The following CACNA1G variants were observed in gnomAD, a reference collection of about 807,000 sequenced individuals.
The protein encoded by CACNA1G is calcium voltage-gated channel subunit alpha1 G.
A neutral mutation model predicts 219.4 loss-of-function variants in CACNA1G; 67 were observed. The ratio of observed to expected loss-of-function variants is 0.31; its 90% CI spans 0.25 to 0.37. The LOEUF (loss-of-function observed/expected upper bound fraction) is 0.37, where lower values mean the gene tolerates loss of function less well. CACNA1G is among the 10% of genes least tolerant of loss of function. The pLI, the probability that CACNA1G is intolerant of heterozygous loss-of-function variation, is 1.00. For missense variants in CACNA1G, 2,380 were observed against 3,231.4 expected (o/e 0.74, Z 6.39); for synonymous variants, 1,296 against 1,345.3 (o/e 0.96, Z 0.80).
intron 16 of CACNA1G, among the ~76,000 whole-genome samples, chr17:50,597,549 T>G (rs1257035805): frequency 1.3e-5 from 2 of 152,262 alleles, no homozygotes; most frequent in Non-Finnish European, 2.9e-5. Context: ...CACAATGTGA[T>G]GTTTTGATAT....
chr17:50,569,899 C>A lies in CACNA1G; in HGVS notation c.586+96C>A, dbSNP rs1037576218. On this transcript the variant is annotated intron_variant, in intron 4 of 37. Coordinates refer to ENST00000359106, the MANE Select transcript of CACNA1G (RefSeq NM_018896.5). Reference sequence around the variant, plus strand: ...CTCTACTACTGTGTCCTCACCTGACCCCTCACAGGCCCCGTCAGAGAAGGG... The same window carrying A: ...CTCTACTACTGTGTCCTCACCTGACACCTCACAGGCCCCGTCAGAGAAGGG... The A allele has an allele frequency of 1.5e-5, 13 of 873,556 alleles. No homozygotes were observed. In the African/African-American group the frequency reaches 1.8e-4, roughly 12 times the overall value. 54.1% of individuals were successfully genotyped at this position (873,556 alleles called of 1,614,324 possible).
intron 1 of CACNA1G, among the ~76,000 whole-genome samples, chr17:50,564,083 G>A (rs570310993): frequency 6.6e-6 from 1 of 151,792 alleles, no homozygotes; most frequent in Admixed American, 6.6e-5. Flanking sequence ...TCCTTTTTAA[G>A]GGACCAGGTT....
rs2045497245 is a variant in CACNA1G, at chr17:50,596,145, A to C, written c.2980-417A>C. Among the ~76,000 whole-genome samples the C allele has an allele frequency of 6.6e-6, 1 of 151,890 alleles. No homozygotes were observed. The highest frequency in any genetic ancestry group is 2.1e-4 in the South Asian group (1 of 4,810). ...TCGAGTCTGAGGCTCAGGGGAGGGG[A>C]GCCGTGGAGAGAAAGCAAAGGGCCT... On this transcript the variant is annotated intron_variant, in intron 14 of 37. Coordinates refer to ENST00000359106, the MANE Select transcript of CACNA1G (RefSeq NM_018896.5). The surrounding 1 kb of genome is among the most constrained non-coding windows in gnomAD (Gnocchi z 4.8).
At position 50,573,092 on chromosome 17, in the gene CACNA1G, C is replaced by G; in HGVS notation, c.1119C>G (p.Ile373Met). ...ATGCTCATTCCTTCTACAATTTCAT[C>G]TACTTCATCCTCCTCATCATCGTGA... Reference protein sequence around the residue: ...VMDAHSFYNFIYFILLIIVGS... With the variant: ...VMDAHSFYNFMYFILLIIVGS... The change falls in exon 7 of 38, where the codon ATC (isoleucine) becomes ATG (methionine). Residue 373 changes from isoleucine to methionine, a missense_variant. Transcript: ENST00000359106. 6.4e-7 allele frequency: 1 copy of G among 1,572,058 alleles called. No individual in the cohort carries two copies. Among genetic ancestry groups the G allele is most frequent in the Non-Finnish European group, 8.6e-7 (1 of 1,157,324 alleles).
At chr17:50,593,163 C>T (rs991816976) in intron 13 of CACNA1G, among the ~76,000 whole-genome samples, 4 of 152,120 alleles carry the variant, frequency 2.6e-5, no homozygotes, top group Admixed American at 6.5e-5. Context: ...GAGGGAGGGA[C>T]GCCGGTATGC....
intron 26 of CACNA1G, among the ~76,000 whole-genome samples, chr17:50,613,242 A>T (rs1175968666): frequency 1.3e-5 from 2 of 152,182 alleles, no homozygotes; most frequent in Non-Finnish European, 2.9e-5. Context: ...GGGTTGCCCG[A>T]GGAGATGCTG....
In CACNA1G at chr17:50,603,333, G is replaced by A. The variant is rs987256793; in HGVS notation, c.4169+134G>A. On this transcript the variant is annotated intron_variant, in intron 21 of 37. Transcript: ENST00000359106. The surrounding 1 kb of genome is among the most constrained non-coding windows in gnomAD (Gnocchi z 6.4). ...CATCCTGTCTGTGACCCCCACAGGCGATCCTGTCCCCGCCCCAGACAACAC... is the reference window on the plus strand; with the variant it reads ...CATCCTGTCTGTGACCCCCACAGGCAATCCTGTCCCCGCCCCAGACAACAC... The A allele has an allele frequency of 1.4e-5, 10 of 735,308 alleles. No individual in the cohort carries two copies. The East Asian group carries it at 1.9e-4, about 14-fold the overall frequency. 45.5% of individuals were successfully genotyped at this position (735,308 alleles called of 1,614,324 possible).
intron 9 of CACNA1G, among the ~76,000 whole-genome samples, chr17:50,586,205 T>C (rs2042953672): frequency 6.6e-6 from 1 of 152,198 alleles, no homozygotes; most frequent in African/African-American, 2.4e-5. Context: ...CTTCATACAC[T>C]GCTTTGTACA....
At chr17:50,610,041 G>A in intron 26 of CACNA1G, 106 bp downstream of exon 26, 1 of 1,184,556 alleles carries the variant, frequency 8.4e-7, no homozygotes, top group Non-Finnish European at 1.2e-6. Context: ...GAGGGTCCCT[G>A]GGGCCCCCAA....
chr17:50,575,455 G>A, intron 7 of CACNA1G, 88 bp from the exon 8 acceptor site: 1 of 1,325,204 alleles, frequency 7.5e-7, no homozygotes, highest in Non-Finnish European at 1.0e-6. Context: ...GTGGCGCTTG[G>A]CTCATAGGAA....
rs1184846976 is a variant in CACNA1G at position 50,596,066 on chromosome 17, C to T, written c.2980-496C>T. ...GGAAGACACCGAGGGACTGAAGTGG[C>T]GTCCTCGGGCTGAGCTGTTCTGTCT... On this transcript the variant is annotated intron_variant, in intron 14 of 37. Coordinates refer to ENST00000359106, the MANE Select transcript of CACNA1G (RefSeq NM_018896.5). The surrounding 1 kb of genome is among the most constrained non-coding windows in gnomAD (Gnocchi z 4.8). Among the ~76,000 whole-genome samples, 2 of 152,124 alleles carry T rather than the reference C, an allele frequency of 1.3e-5. No homozygotes were observed. The highest frequency in any genetic ancestry group is 2.4e-5 in the African/African-American group (1 of 41,398).
intron 25 of CACNA1G, among the ~76,000 whole-genome samples, chr17:50,609,384 C>T (rs2146015075): frequency 6.6e-6 from 1 of 152,300 alleles, no homozygotes; most frequent in East Asian, 1.9e-4. Flanking sequence ...CTGCTCGGCT[C>T]AGGGTAGGGG....
At chr17:50,569,053 C>T (rs1160558482) in intron 2 of CACNA1G, 72 bp downstream of exon 2, 1 of 1,527,784 alleles carries the variant, frequency 6.5e-7, no homozygotes, top group African/African-American at 1.4e-5. Flanking sequence ...AATCTTAATA[C>T]CCTCTACTCC....
In CACNA1G at chr17:50,591,776, T is replaced by G. The variant is rs1016042605; in HGVS notation, c.2677T>G (p.Ser893Ala). The change falls in exon 12 of 38, where the codon TCT becomes GCT. Residue 893 changes from serine to alanine, a missense_variant. Physicochemically the swap from Ser to Ala is moderately conservative, Grantham distance 99. This residue lies in a region of CACNA1G where 43 missense variants were observed against 139.4 expected (regional missense o/e 0.31). Coordinates refer to ENST00000359106, the MANE Select transcript of CACNA1G (RefSeq NM_018896.5). ...GMHLFGCKFA[S>A]ERDGDTLPDR... is the part of the protein sequence containing the mutation. ...GCATCTCTTCGGCTGCAAGTTTGCC[T>G]CTGAGCGGGATGGGGACACCCTGCC... 2 of 1,613,832 alleles carry G rather than the reference T, an allele frequency of 1.2e-6. No individual in the cohort carries two copies. The highest frequency in any genetic ancestry group is 1.7e-6 in the Non-Finnish European group (2 of 1,179,894).
intron 4 of CACNA1G, among the ~76,000 whole-genome samples, chr17:50,570,555 C>CTGTGTGTGTGTGTGTGTGTGTG (rs1567968090): frequency 2.7e-5 from 1 of 37,044 alleles, no homozygotes; most frequent in Admixed American, 2.7e-4. Context: ...GCCCCCTGCG[C>CTGTGTGTGTGTGTGTGTGTGTG]TCTGTGTGTG....
At chr17:50,583,214 A>G (rs2032248353) in intron 9 of CACNA1G, among the ~76,000 whole-genome samples, 1 of 152,122 alleles carries the variant, frequency 6.6e-6, no homozygotes, top group African/African-American at 2.4e-5. Context: ...CTGAAGAGCT[A>G]GGGCTGAGGA....
At position 50,590,476 on chromosome 17, in the gene CACNA1G, G is replaced by A; in HGVS notation, c.2307G>A (p.Glu769=). Residue 769 remains glutamate, a synonymous_variant, in exon 10 of 38, where the codon GAG becomes GAA. Transcript: ENST00000359106. ...SMGIEYHEQP[E]ELTNALEISN... ...CATCCCACCCTGCCCTGCAGCCCGA[G>A]GAGCTTACCAACGCCCTAGAAATCA... The A allele has an allele frequency of 1.2e-6, 2 of 1,613,806 alleles. No individual in the cohort carries two copies. Among genetic ancestry groups the A allele is most frequent in the Non-Finnish European group, 1.7e-6 (2 of 1,179,842 alleles).
rs1206882914 is a variant in CACNA1G at position 50,607,964 on chromosome 17, G to A, written c.4650G>A (p.Glu1550=). 1.9e-6 allele frequency: 3 copies of A among 1,613,876 alleles called. No individual in the cohort carries two copies. Among genetic ancestry groups the A allele is most frequent in the Non-Finnish European group, 1.7e-6 (2 of 1,179,808 alleles). Residue 1550 remains glutamate, a synonymous_variant, in exon 25 of 38, where the codon GAG becomes GAA. Transcript: ENST00000359106. ...AGTGTCGGCAGCACCAGGAGGAAGAGGAGGCCCGGCGGCGGGAGGAGAAGC... is the reference window on the plus strand; with the variant it reads ...AGTGTCGGCAGCACCAGGAGGAAGAAGAGGCCCGGCGGCGGGAGGAGAAGC... The part of the protein sequence containing the change: ...FHKCRQHQEE[E]EARRREEKRL...
At position 50,626,562 on chromosome 17, in the gene CACNA1G, C is replaced by A. The variant is rs992654388; in HGVS notation, c.6945C>A (p.Pro2315=). ...KLSPPSITID[P]PESQGPRTPP... is the part of the protein sequence containing the mutation. ...GCCCGCCTAGTATCACCATAGACCC[C>A]CCCGAGAGCCAAGGTCCTCGGACCC... Residue 2315 remains proline (P), a synonymous_variant, in exon 38 of 38, where the codon CCC becomes CCA. Transcript: ENST00000359106. The surrounding 1 kb of genome is among the most constrained non-coding windows in gnomAD (Gnocchi z 4.3). 6.3e-7 allele frequency: 1 copy of A among 1,592,636 alleles called. No individual in the cohort carries two copies. Among genetic ancestry groups the A allele is most frequent in the Non-Finnish European group, 8.5e-7 (1 of 1,171,190 alleles).
Sources: gnomAD v4.1 joint callset for allele counts (sites outside exome capture counted in the v4.1 genomes callset) on GRCh38, gnomAD v4.1.1 for gene constraint, gnomAD v4.1.1 regional missense constraint, Gnocchi (gnomAD v3.1) non-coding constraint, MANE v1.5 for transcripts, NCBI Gene and HGNC (gene_info 2026-07-23, HGNC 2026-07-21) for gene names.